The following CACNA2D3 variants were observed in gnomAD, a reference collection of about 807,000 sequenced individuals.
The protein encoded by CACNA2D3 is calcium voltage-gated channel auxiliary subunit alpha2delta 3.
Under a neutral mutation model 160.6 loss-of-function variants are expected in CACNA2D3, and 60 were observed. The observed-to-expected ratio is 0.37, with a 90% confidence interval of 0.30 to 0.46. The LOEUF is 0.46. Among genes scored for constraint, CACNA2D3 ranks in the 20% least tolerant of loss-of-function variants. The probability of loss-of-function intolerance (pLI) is 1.00; values close to 1 mark genes in which losing one functional copy is unlikely to be tolerated. For missense variants in CACNA2D3, 1,205 were observed against 1,365.0 expected (o/e 0.88, Z 1.85); for synonymous variants, 558 against 492.9 (o/e 1.13, Z -1.75).
intron 11 of CACNA2D3, among the ~76,000 whole-genome samples, chr3:54,750,442 C>T (rs1701835192): frequency 6.6e-6 from 1 of 152,188 alleles, no homozygotes; most frequent in African/African-American, 2.4e-5. Flanking sequence ...TGGGTCTGGT[C>T]TCAAGAGACT....
rs1180575365 is a variant in CACNA2D3, at chr3:54,270,843, A to G, written c.205-49599A>G. The stretch of plus-strand genomic sequence containing the variant: ...TCAGGCTGCCCTCATTCCTTTTGAC[A>G]CAGCCTGCATCCATCTTCAAAACAG... On this transcript the variant is annotated intron_variant, in intron 2 of 37. Transcript: ENST00000474759. 3.3e-5 allele frequency among the ~76,000 whole-genome samples: 5 copies of G among 152,174 alleles called. No homozygotes were observed. In the East Asian group the frequency reaches 9.6e-4, roughly 29 times the overall value.
intron 2 of CACNA2D3, among the ~76,000 whole-genome samples, chr3:54,299,044 A>G (rs1232455671): frequency 6.6e-6 from 1 of 150,612 alleles, no homozygotes; most frequent in African/African-American, 2.4e-5. Flanking sequence ...ACAGTCTGCC[A>G]TTTGCAAGAA....
chr3:54,567,709 C>G (rs1347524809), intron 6 of CACNA2D3, among the ~76,000 whole-genome samples: 2 of 152,060 alleles, frequency 1.3e-5, no homozygotes, highest in Non-Finnish European at 2.9e-5. Context: ...CTAATTGTTG[C>G]AGTTTTAGTA....
At chr3:54,221,635 A>G (rs1284527028) in intron 2 of CACNA2D3, among the ~76,000 whole-genome samples, 1 of 152,184 alleles carries the variant, frequency 6.6e-6, no homozygotes, top group Non-Finnish European at 1.5e-5. Context: ...TTAAATTCCC[A>G]TGCCAGTACC....
At chr3:54,985,636 T>A (rs1022279499) in intron 30 of CACNA2D3, among the ~76,000 whole-genome samples, 1 of 152,230 alleles carries the variant, frequency 6.6e-6, no homozygotes, top group Non-Finnish European at 1.5e-5. Flanking sequence ...TTGAGTATAC[T>A]AATACATTAT....
At chr3:54,914,609 A>T (rs1329795344) in intron 27 of CACNA2D3, among the ~76,000 whole-genome samples, 1 of 152,206 alleles carries the variant, frequency 6.6e-6, no homozygotes, top group Non-Finnish European at 1.5e-5. Flanking sequence ...AATTAAAATA[A>T]AAAAGAATCT....
chr3:54,828,729 G>A (rs1425160462), intron 14 of CACNA2D3, among the ~76,000 whole-genome samples: 3 of 152,168 alleles, frequency 2.0e-5, no homozygotes, highest in Non-Finnish European at 2.9e-5. Context: ...TGCAGTTAAA[G>A]TTCAAAGAGG....
chr3:54,253,387 A>G (rs1426288713), intron 2 of CACNA2D3, among the ~76,000 whole-genome samples: 1 of 152,164 alleles, frequency 6.6e-6, no homozygotes, highest in East Asian at 1.9e-4. Flanking sequence ...CAGTCATGGC[A>G]GAAGGCAAAA....
chr3:54,902,322 C>T (rs1307345089), intron 27 of CACNA2D3, among the ~76,000 whole-genome samples: 1 of 152,044 alleles, frequency 6.6e-6, no homozygotes, highest in African/African-American at 2.4e-5. Context: ...TTGTTTTATT[C>T]TCTTCTTTCT....
intron 31 of CACNA2D3, among the ~76,000 whole-genome samples, chr3:54,992,643 G>A (rs781223592): frequency 8.6e-5 from 13 of 152,036 alleles, no homozygotes; most frequent in Non-Finnish European, 1.9e-4. Flanking sequence ...TCTTTTTGAG[G>A]TCAGCTTCTT....
chr3:54,308,475 G>A (rs938681354), intron 2 of CACNA2D3, among the ~76,000 whole-genome samples: 5 of 152,308 alleles, frequency 3.3e-5, no homozygotes, highest in Middle Eastern at 6.8e-3. Context: ...AGGCCTGAGA[G>A]GAGAACAGAG....
chr3:54,370,444 A>C (rs1009779822), intron 3 of CACNA2D3, among the ~76,000 whole-genome samples: 9 of 152,232 alleles, frequency 5.9e-5, no homozygotes, highest in Non-Finnish European at 1.2e-4. Context: ...CACATAAAAG[A>C]TGCAATTAAG....
chr3:54,976,103 G>C (rs949355035), intron 29 of CACNA2D3, among the ~76,000 whole-genome samples: 1 of 150,220 alleles, frequency 6.7e-6, no homozygotes, highest in Non-Finnish European at 1.5e-5. Context: ...ATTATATAAA[G>C]GGATTGCTTT....
intron 2 of CACNA2D3, among the ~76,000 whole-genome samples, chr3:54,211,389 C>T (rs1320285380): frequency 1.3e-5 from 2 of 152,136 alleles, no homozygotes; most frequent in African/African-American, 4.8e-5. Flanking sequence ...CACAGTGCCG[C>T]CATGAATACC....
At chr3:54,849,155 G>A (rs568339059) in intron 17 of CACNA2D3, among the ~76,000 whole-genome samples, 2 of 152,236 alleles carry the variant, frequency 1.3e-5, no homozygotes, top group African/African-American at 4.8e-5. Context: ...GGCCAACTGT[G>A]GTCTAGAAGA....
At chr3:54,533,712 G>A (rs1469051291) in intron 5 of CACNA2D3, among the ~76,000 whole-genome samples, 6 of 152,042 alleles carry the variant, frequency 3.9e-5, no homozygotes, top group African/African-American at 1.2e-4. Context: ...TACCAGGCTC[G>A]AAATATTGGT....
chr3:55,021,495 T>C (rs1022145168), intron 35 of CACNA2D3, among the ~76,000 whole-genome samples: 10 of 151,334 alleles, frequency 6.6e-5, no homozygotes, highest in African/African-American at 2.2e-4. Flanking sequence ...TCTAACATTT[T>C]GTCTTTGATG....
intron 9 of CACNA2D3, among the ~76,000 whole-genome samples, chr3:54,609,524 T>G (rs1412771294): frequency 6.6e-6 from 1 of 152,194 alleles, no homozygotes; most frequent in Admixed American, 6.5e-5. Context: ...CATAGCATGC[T>G]TCTCCTTTTT....
chr3:54,383,983 TAC>T lies in CACNA2D3; in HGVS notation c.322-2726_322-2725del, dbSNP rs938282268. On this transcript the variant is annotated intron_variant, in intron 3 of 37. Transcript: ENST00000474759. ...CAGTATACATATATATACATATACA[TAC>T]ACACATATGTAAATAAAATATATAT... 2.9e-3 allele frequency among the ~76,000 whole-genome samples: 448 copies of T among 152,360 alleles called. 4 individuals carry two copies. Among genetic ancestry groups the T allele is most frequent in the African/African-American group, 9.9e-3 (411 of 41,584 alleles).
Sources: allele counts gnomAD v4.1 joint callset (sites outside exome capture counted in the v4.1 genomes callset), GRCh38; gene constraint gnomAD v4.1.1; transcripts MANE v1.5; gene names NCBI Gene and HGNC (gene_info 2026-07-23, HGNC 2026-07-21).